Variants in HEATR3 observed in about 807,000 individuals in gnomAD.
HEATR3 encodes HEAT repeat-containing protein 3.
In HEATR3, 56 loss-of-function variants were observed where a neutral mutation model predicts 72.8. That is an observed-to-expected ratio of 0.77 (90% CI 0.62 to 0.96). The LOEUF (loss-of-function observed/expected upper bound fraction) is 0.96. Among genes scored for constraint, HEATR3 ranks in the 40% least tolerant of loss-of-function variants. HEATR3 has a pLI of 0.00. For missense variants in HEATR3, 747 were observed against 831.4 expected, an observed-to-expected ratio of 0.90 and a Z score of 1.25; for synonymous variants, 331 against 318.1, an observed-to-expected ratio of 1.04 and a Z score of -0.43.
chr16:50,071,075 G>A (rs1167020480), intron 4 of HEATR3, among the ~76,000 whole-genome samples: 1 of 152,208 alleles, frequency 6.6e-6, no homozygotes, highest in East Asian at 1.9e-4. Flanking sequence ...GCCCCAGGAG[G>A]AAGAAGGCCA....
chr16:50,092,436 C>CT lies in HEATR3; in HGVS notation c.1511-2253dup, dbSNP rs375532097. ...GGTCATTCTTTTTTTTTTCTTTTTT[C>CT]TTTTTTTTTTTTTTTTCCTGAGACG... On this transcript the variant is annotated intron_variant, in intron 11 of 14. Coordinates refer to ENST00000299192, the MANE Select transcript of HEATR3 (RefSeq NM_182922.4). 1.0e-3 allele frequency among the ~76,000 whole-genome samples: 111 copies of CT among 105,988 alleles called. 2 individuals are homozygous for CT. The highest frequency in any genetic ancestry group is 2.5e-3 in the Admixed American group (20 of 7,940). The allele number at this position is 105,988 out of a possible 152,430, so 69.5% of individuals were successfully genotyped here.
intron 11 of HEATR3, among the ~76,000 whole-genome samples, chr16:50,094,263 C>A (rs115207217): frequency 6.6e-6 from 1 of 152,326 alleles, no homozygotes; most frequent in African/African-American, 2.4e-5. Flanking sequence ...TGTCCTGGCT[C>A]TGCACAAGCA....
chr16:50,073,994 G>T (rs2036668860), intron 5 of HEATR3: 4 of 152,172 alleles, frequency 2.6e-5, no homozygotes, highest in African/African-American at 9.7e-5. Context: ...TATGGTAGCA[G>T]TCATGGCTGT....
rs561990179 is a variant in HEATR3 at position 50,097,582 on chromosome 16, T to C, written c.1600-2648T>C. 4.0e-4 allele frequency among the ~76,000 whole-genome samples: 61 copies of C among 152,164 alleles called. No individual in the cohort carries two copies. In the South Asian group the frequency reaches 0.012, roughly 31 times the overall value. The stretch of plus-strand genomic sequence containing the variant: ...TTTTGATCACTTTTGCTTCCAGGCA[T>C]AGGATGTCCCAGGTTCAATTTGTAA... On this transcript the variant is annotated intron_variant, in intron 12 of 14. Coordinates refer to ENST00000299192, the MANE Select transcript of HEATR3 (RefSeq NM_182922.4).
At chr16:50,081,582 GGAT>G (rs2036867934) in intron 7 of HEATR3, among the ~76,000 whole-genome samples, 1 of 152,200 alleles carries the variant, frequency 6.6e-6, no homozygotes, top group African/African-American at 2.4e-5. Flanking sequence ...TGACTAGACT[GGAT>G]GATTAACATG....
chr16:50,093,704 C>T (rs776051238), intron 11 of HEATR3, among the ~76,000 whole-genome samples: 7 of 152,192 alleles, frequency 4.6e-5, no homozygotes, highest in East Asian at 1.9e-4. Context: ...TGTTCACTCA[C>T]GTGTCTGGCA....
At chr16:50,083,592 T>C (rs1267064493) in intron 7 of HEATR3, among the ~76,000 whole-genome samples, 1 of 152,186 alleles carries the variant, frequency 6.6e-6, no homozygotes, top group African/African-American at 2.4e-5. Flanking sequence ...TAAATCTTAG[T>C]ATGCCCAGCT....
chr16:50,106,345 A>C lies in HEATR3; in HGVS notation c.*1284A>C, dbSNP rs2037486819. 1 of 152,190 alleles carries C rather than the reference A, an allele frequency of 6.6e-6. No individual in the cohort carries two copies. Among genetic ancestry groups the C allele is most frequent in the African/African-American group, 2.4e-5 (1 of 41,450 alleles). The allele number at this position is 152,190 out of a possible 1,614,324, so 9.4% of individuals were successfully genotyped here. ...TGATTTAATTTGATATGGAATCAGA[A>C]TTGGGAGAAGGTATTTTTAAATAAA... On this transcript the variant is annotated 3_prime_UTR_variant, in exon 15 of 15. Transcript: ENST00000299192.
In HEATR3 at chr16:50,106,319, T is replaced by C. The variant is rs1393061941; in HGVS notation, c.*1258T>C. On this transcript the variant is annotated 3_prime_UTR_variant, in exon 15 of 15. Transcript: ENST00000299192. ...TGAGTTATTGCTGTAACATCACTTC[T>C]TGATTTAATTTGATATGGAATCAGA... The C allele has an allele frequency of 6.6e-6, 1 of 152,212 alleles. No homozygotes were observed. Among genetic ancestry groups the C allele is most frequent in the Non-Finnish European group, 1.5e-5 (1 of 68,036 alleles). 9.4% of individuals were successfully genotyped at this position (152,212 alleles called of 1,614,324 possible). A position where few individuals can be genotyped will look rare whatever the true frequency, so the allele number is the denominator to read the frequency against.
chr16:50,086,358 A>C lies in HEATR3; in HGVS notation c.1510+7A>C. On this transcript the variant is annotated splice_region_variant and intron_variant, in intron 11 of 14. Transcript: ENST00000299192. The stretch of plus-strand genomic sequence containing the variant: ...CTGCTTTTTTCTCAACCAGGTATTT[A>C]GACTTTATTGCGAAAGACTACGCAG... 1 of 1,603,134 alleles carries C rather than the reference A, an allele frequency of 6.2e-7. No homozygotes were observed. Among genetic ancestry groups the C allele is most frequent in the Non-Finnish European group, 8.5e-7 (1 of 1,175,446 alleles).
intron 6 of HEATR3, among the ~76,000 whole-genome samples, chr16:50,078,029 A>G (rs1290493806): frequency 2.0e-5 from 3 of 151,428 alleles, no homozygotes; most frequent in African/African-American, 7.3e-5. Context: ...AGCGCCCACC[A>G]CCACGCCTGG....
chr16:50,077,031 C>T (rs1324980900), intron 6 of HEATR3, among the ~76,000 whole-genome samples: 6 of 151,870 alleles, frequency 4.0e-5, no homozygotes, highest in Non-Finnish European at 8.8e-5. Flanking sequence ...CCACGCCCAG[C>T]TAATTTTTTG....
chr16:50,078,312 T>A (rs2036786480), intron 6 of HEATR3, among the ~76,000 whole-genome samples: 1 of 152,180 alleles, frequency 6.6e-6, no homozygotes, highest in Non-Finnish European at 1.5e-5. Context: ...TTTTTGATAA[T>A]CAAAAAATTA....
intron 7 of HEATR3, 54 bp downstream of exon 7, chr16:50,079,072 C>A: frequency 6.7e-7 from 1 of 1,500,172 alleles, no homozygotes; most frequent in Non-Finnish European, 9.0e-7. Flanking sequence ...TTTTTTTTTC[C>A]AGCAGTTATC....
In HEATR3 at chr16:50,066,112, T is replaced by A. The variant is rs1373102689; in HGVS notation, c.-20T>A. On this transcript the variant is annotated 5_prime_UTR_variant, in exon 1 of 15. Transcript: ENST00000299192. The stretch of plus-strand genomic sequence containing the variant: ...GTTGCCCTCCTCTCTCGGTGGTCTG[T>A]CCGCCCAGCGCACGTCACCATGGGC... 2 of 1,504,294 alleles carry A rather than the reference T, an allele frequency of 1.3e-6. No homozygotes were observed. 93.2% of individuals were successfully genotyped at this position (1,504,294 alleles called of 1,614,324 possible).
At chr16:50,096,205 A>G (rs917413447) in intron 12 of HEATR3, among the ~76,000 whole-genome samples, 1 of 151,266 alleles carries the variant, frequency 6.6e-6, no homozygotes, top group Admixed American at 6.6e-5. Context: ...CACTCCTATA[A>G]TCCCAGCTAC....
In HEATR3 at chr16:50,066,472, C is replaced by A. The variant is rs1384485674; in HGVS notation, c.244C>A (p.Arg82Ser). ...LPGLARRDAV[R>S]RLGPLLLDPS... ...GGGCCTGGCGCGACGAGACGCCGTG[C>A]GCCGCCTCGGGCCGCTGCTGCTAGA... is the stretch of plus-strand genomic sequence containing the variant. Residue 82 changes from arginine to serine, a missense_variant, in exon 2 of 15, where the codon CGC becomes AGC. By Grantham distance (110) the Arg-to-Ser change is moderately radical. Coordinates refer to ENST00000299192, the MANE Select transcript of HEATR3 (RefSeq NM_182922.4). The A allele has an allele frequency of 1.1e-5, 15 of 1,353,222 alleles. No individual in the cohort carries two copies. The highest frequency in any genetic ancestry group is 1.4e-5 in the Non-Finnish European group (15 of 1,060,262). 83.8% of individuals were successfully genotyped at this position (1,353,222 alleles called of 1,614,324 possible).
rs1192629296 is a variant in HEATR3, at chr16:50,084,245, C to T, written c.1244C>T (p.Ser415Phe). 4 of 1,614,042 alleles carry T rather than the reference C, an allele frequency of 2.5e-6. No individual in the cohort carries two copies. The highest frequency in any genetic ancestry group is 4.5e-5 in the East Asian group (2 of 44,896). ...CAGCTGTTTTCTCCCCTCTGCCTCTCCCATGAAGTTCACACGGCTCTCACC... is the reference window on the plus strand; with the variant it reads ...CAGCTGTTTTCTCCCCTCTGCCTCTTCCATGAAGTTCACACGGCTCTCACC... ...GGQLFSPLCL[S>F]HEVHTALTNY... Residue 415 changes from serine (S) to phenylalanine (F), a missense_variant, in exon 9 of 15, where the codon TCC (serine) becomes TTC (phenylalanine). Ser to Phe is a radical substitution (Grantham distance 155). Around this residue, in one of 2 missense-constraint regions of HEATR3, gnomAD observed 586 missense variants for 708.8 expected, o/e 0.83. Coordinates refer to ENST00000299192, the MANE Select transcript of HEATR3 (RefSeq NM_182922.4).
In HEATR3 at chr16:50,066,009, G is replaced by GTGCT. The variant is rs2036477016; in HGVS notation, c.-122_-119dup. 1 of 929,648 alleles carries GTGCT rather than the reference G, an allele frequency of 1.1e-6. No homozygotes were observed. Among genetic ancestry groups the GTGCT allele is most frequent in the African/African-American group, 1.9e-5 (1 of 53,810 alleles). 57.6% of individuals were successfully genotyped at this position (929,648 alleles called of 1,614,324 possible). ...GCGCCTGCGCACGGCTTGCCCATGT[G>GTGCT]TGCTGCAGCCGTCAGCCGGCCCAGC... is the stretch of plus-strand genomic sequence containing the variant. On this transcript the variant is annotated 5_prime_UTR_variant, in exon 1 of 15. An upstream open reading frame in the 5' UTR loses its in-frame stop. Coordinates refer to ENST00000299192, the MANE Select transcript of HEATR3 (RefSeq NM_182922.4).
Sources: gnomAD v4.1 joint callset for allele counts (sites outside exome capture counted in the v4.1 genomes callset) on GRCh38, gnomAD v4.1.1 for gene constraint, gnomAD v4.1.1 regional missense constraint, MANE v1.5 for transcripts, NCBI Gene and HGNC (gene_info 2026-07-23, HGNC 2026-07-21) for gene names.